Variants in SHANK2 observed in about 807,000 individuals in gnomAD.
SHANK2 encodes the protein SH3 and multiple ankyrin repeat domains protein 2.
A neutral mutation model predicts 133.7 loss-of-function variants in SHANK2; 43 were observed. The ratio of observed to expected loss-of-function variants is 0.32; its 90% CI spans 0.25 to 0.41. The LOEUF is 0.41. Ranked by LOEUF, SHANK2 falls within the 10% of genes least tolerant of loss-of-function variation. SHANK2 has a pLI of 1.00. For synonymous variants in SHANK2, 1,017 were observed against 952.8 expected, an observed-to-expected ratio of 1.07 and a Z score of -1.24; for missense variants, 1,994 against 2,235.8, an observed-to-expected ratio of 0.89 and a Z score of 2.18.
At chr11:70,741,292 C>T (rs541590091) in intron 14 of SHANK2, among the ~76,000 whole-genome samples, 2 of 151,596 alleles carry the variant, frequency 1.3e-5, no homozygotes, top group Admixed American at 1.3e-4. Context: ...TTCATCCATC[C>T]GTGCATCCAA....
At chr11:71,085,558 A>G (rs1363495897) in intron 8 of SHANK2, among the ~76,000 whole-genome samples, 1 of 76,906 alleles carries the variant, frequency 1.3e-5, no homozygotes. Flanking sequence ...AACATATTAT[A>G]TTATATAAAA....
chr11:70,770,702 C>T (rs1947228755), intron 14 of SHANK2, among the ~76,000 whole-genome samples: 1 of 152,076 alleles, frequency 6.6e-6, no homozygotes, highest in Admixed American at 6.5e-5. Flanking sequence ...AAAGTGACAC[C>T]CATTTCGGTT....
chr11:71,113,048 A>G (rs369831676), intron 5 of SHANK2, among the ~76,000 whole-genome samples: 2 of 152,154 alleles, frequency 1.3e-5, no homozygotes, highest in South Asian at 4.1e-4. Flanking sequence ...TGGAGCAGCC[A>G]GTAGGATCTG....
At chr11:70,700,248 A>G (rs1555023310) in intron 14 of SHANK2, among the ~76,000 whole-genome samples, 1 of 152,092 alleles carries the variant, frequency 6.6e-6, no homozygotes, top group African/African-American at 2.4e-5. Flanking sequence ...ATCGTCACTG[A>G]CACTTATTGA....
At position 70,857,054 on chromosome 11, in the gene SHANK2, G is replaced by A. The variant is rs555771510; in HGVS notation, c.1175-36372C>T. ...TCTCTGCAACAGCCTGCCTCTGCGT[G>A]CAAATGTTCCTGCAAGAGGGATTAA... On this transcript the variant is annotated intron_variant, in intron 11 of 25. Transcript: ENST00000601538. Among the ~76,000 whole-genome samples the A allele has an allele frequency of 3.3e-5, 5 of 152,322 alleles. No individual in the cohort carries two copies. In the South Asian group the frequency reaches 1.0e-3, roughly 32 times the overall value.
intron 17 of SHANK2, among the ~76,000 whole-genome samples, chr11:70,639,874 A>G (rs1200790386): frequency 6.6e-6 from 1 of 152,144 alleles, no homozygotes; most frequent in African/African-American, 2.4e-5. Flanking sequence ...GTGGAGTTCT[A>G]CGTGGCTGGG....
chr11:71,100,557 A>G (rs1951701038), intron 6 of SHANK2, among the ~76,000 whole-genome samples: 1 of 152,182 alleles, frequency 6.6e-6, no homozygotes, highest in African/African-American at 2.4e-5. Flanking sequence ...ATGACATTCT[A>G]GAAAAGGCAA....
chr11:70,528,242 G>A (rs1297029366), intron 17 of SHANK2, among the ~76,000 whole-genome samples: 1 of 152,242 alleles, frequency 6.6e-6, no homozygotes, highest in Non-Finnish European at 1.5e-5. Context: ...GGTTGTCCAT[G>A]TGTGGGACGA....
intron 14 of SHANK2, among the ~76,000 whole-genome samples, chr11:70,738,462 A>C (rs1401121780): frequency 6.6e-6 from 1 of 152,252 alleles, no homozygotes; most frequent in Non-Finnish European, 1.5e-5. Flanking sequence ...CTGAGGCTGC[A>C]CAGGAAGAGG....
At position 70,599,443 on chromosome 11, in the gene SHANK2, TA is replaced by T. The variant is rs1565165317; in HGVS notation, c.2061+60384del. On this transcript the variant is annotated intron_variant, in intron 17 of 25. Transcript: ENST00000601538. Reference sequence around the variant, plus strand: ...TAACACGGTGAAACCCCGTCTCTACTAAAAATACAGAAAATTAGCCGGGCGA... The same window carrying T: ...TAACACGGTGAAACCCCGTCTCTACTAAAATACAGAAAATTAGCCGGGCGA... 1.9e-5 allele frequency among the ~76,000 whole-genome samples: 2 copies of T among 108,016 alleles called. 1 individual carries two copies. Among genetic ancestry groups the T allele is most frequent in the Non-Finnish European group, 4.1e-5 (2 of 48,294 alleles). 70.9% of individuals were successfully genotyped at this position (108,016 alleles called of 152,430 possible).
intron 17 of SHANK2, among the ~76,000 whole-genome samples, chr11:70,567,981 A>C (rs912393572): frequency 2.6e-5 from 4 of 152,214 alleles, no homozygotes; most frequent in African/African-American, 9.6e-5. Context: ...GAGACGGGCA[A>C]CAAAAGAGTT....
chr11:70,865,845 T>G (rs536888523), intron 11 of SHANK2, among the ~76,000 whole-genome samples: 1 of 152,326 alleles, frequency 6.6e-6, no homozygotes, highest in South Asian at 2.1e-4. Context: ...ACCAAGCACC[T>G]GCCTTGTGCT....
At chr11:70,606,956 C>A (rs2060587054) in intron 17 of SHANK2, among the ~76,000 whole-genome samples, 1 of 152,202 alleles carries the variant, frequency 6.6e-6, no homozygotes, top group African/African-American at 2.4e-5. Context: ...AGTTCCCAGT[C>A]ATGTCGTCTG....
At chr11:70,602,499 C>T (rs1049445994) in intron 17 of SHANK2, among the ~76,000 whole-genome samples, 7 of 152,294 alleles carry the variant, frequency 4.6e-5, no homozygotes, top group Admixed American at 1.3e-4. Flanking sequence ...GGGGGTCACA[C>T]GTCCCTCAGC....
At position 70,575,788 on chromosome 11, in the gene SHANK2, C is replaced by T. The variant is rs537770206; in HGVS notation, c.2062-72857G>A. ...GACTGGCTTCTGCATAGCCCCCGCC[C>T]GTGGTGGGTGATGGGGTGGCAAACT... On this transcript the variant is annotated intron_variant, in intron 17 of 25. Transcript: ENST00000601538. 4.6e-5 allele frequency among the ~76,000 whole-genome samples: 7 copies of T among 151,220 alleles called. No individual in the cohort carries two copies. The East Asian group carries it at 8.0e-4, about 17-fold the overall frequency.
chr11:70,872,979 A>T (rs782232776), intron 11 of SHANK2: 1 of 471,042 alleles, frequency 2.1e-6, no homozygotes, highest in Non-Finnish European at 4.4e-6. Context: ...AGCCCCAAAC[A>T]TTACAAAAGC....
intron 11 of SHANK2, among the ~76,000 whole-genome samples, chr11:70,850,243 C>G (rs1949064901): frequency 6.6e-6 from 1 of 152,190 alleles, no homozygotes; most frequent in Admixed American, 6.5e-5. Context: ...CAGATGGGAT[C>G]AGAGAAGCCA....
intron 14 of SHANK2, among the ~76,000 whole-genome samples, chr11:70,773,100 A>C (rs1947288400): frequency 6.6e-6 from 1 of 152,160 alleles, no homozygotes; most frequent in Admixed American, 6.5e-5. Flanking sequence ...CTGAGCTGCC[A>C]AGAGCTGAAC....
intron 18 of SHANK2, 55 bp downstream of exon 18, chr11:70,502,741 A>ACCCCCCCCCCCCCCCCCCCCCCCC: frequency 2.6e-6 from 1 of 381,844 alleles, no homozygotes; most frequent in Non-Finnish European, 4.5e-6. Context: ...GCCCGCCCCC[A>ACCCCCCCCCCCCCCCCCCCCCCCC]CCCCCCCCCC....
Sources: gnomAD v4.1 joint callset for allele counts (sites outside exome capture counted in the v4.1 genomes callset) on GRCh38, gnomAD v4.1.1 for gene constraint, MANE v1.5 for transcripts, NCBI Gene and HGNC (gene_info 2026-07-23, HGNC 2026-07-21) for gene names.